Variants in C3orf70 observed in about 807,000 individuals in gnomAD.
C3orf70 encodes chromosome 3 open reading frame 70.
In C3orf70, 15 loss-of-function variants were observed where a neutral mutation model predicts 20.7. That is an observed-to-expected ratio of 0.72 (90% CI 0.48 to 1.11). The LOEUF (loss-of-function observed/expected upper bound fraction) is 1.11. C3orf70 is among the 50% of genes most tolerant of loss of function. C3orf70 has a pLI of 0.00. For missense variants in C3orf70, 332 were observed against 317.6 expected (o/e 1.05, Z -0.34); for synonymous variants, 161 against 125.7 (o/e 1.28, Z -1.88).
rs1283350116 is a variant in C3orf70 at position 185,078,041 on chromosome 3, G to A, written c.*4966C>T. 1 of 152,372 alleles carries A rather than the reference G, an allele frequency of 6.6e-6. No individual in the cohort carries two copies. The highest frequency in any genetic ancestry group is 2.4e-5 in the African/African-American group (1 of 41,310). The allele number at this position is 152,372 out of a possible 1,614,324, so 9.4% of individuals were successfully genotyped here. A position where few individuals can be genotyped will look rare whatever the true frequency, so the allele number is the denominator to read the frequency against. On this transcript the variant is annotated 3_prime_UTR_variant, in exon 2 of 2. Transcript: ENST00000335012. ...TTGGGGTTGGGTACACTCCAAAACA[G>A]CAGATTTGTTCTGGTATAAAAGAAA... is the stretch of plus-strand genomic sequence containing the variant.
chr3:185,143,332 G>T (rs1383856693), intron 1 of C3orf70, among the ~76,000 whole-genome samples: 1 of 152,126 alleles, frequency 6.6e-6, no homozygotes, highest in African/African-American at 2.4e-5. Context: ...AATTTTCCAT[G>T]AAATACCAAA....
intron 1 of C3orf70, among the ~76,000 whole-genome samples, chr3:185,091,879 T>TAA (rs1553919521): frequency 6.3e-5 from 8 of 126,552 alleles, no homozygotes; most frequent in South Asian, 4.9e-4. Flanking sequence ...TATATATATA[T>TAA]AATATATATA....
At chr3:185,083,790 TTG>T (rs568090815) in intron 1 of C3orf70, among the ~76,000 whole-genome samples, 412 of 152,366 alleles carry the variant, frequency 2.7e-3, no homozygotes, top group Middle Eastern at 6.8e-3. Flanking sequence ...CAATTTATAT[TTG>T]TGTCTTTCTG....
intron 1 of C3orf70, among the ~76,000 whole-genome samples, chr3:185,121,877 A>T (rs1036769713): frequency 6.6e-6 from 1 of 152,212 alleles, no homozygotes; most frequent in Non-Finnish European, 1.5e-5. Context: ...AGGCAGGCAG[A>T]CCACGAGGTC....
intron 1 of C3orf70, among the ~76,000 whole-genome samples, chr3:185,138,497 TAACA>T (rs1716674434): frequency 6.6e-6 from 1 of 151,530 alleles, no homozygotes. Flanking sequence ...TAAAAATATT[TAACA>T]AACTATTAGC....
chr3:185,092,622 T>G (rs1215713809), intron 1 of C3orf70, among the ~76,000 whole-genome samples: 2 of 152,064 alleles, frequency 1.3e-5, no homozygotes, highest in African/African-American at 2.4e-5. Flanking sequence ...AAATCTCACA[T>G]GAAAAGATAT....
In C3orf70 at chr3:185,082,797, G is replaced by A. The variant is rs1286013287; in HGVS notation, c.*210C>T. ...CAGATGCTACATAGAAAGTAAGTCA[G>A]GATACAAAAGAAAACTGTTTATAAT... On this transcript the variant is annotated 3_prime_UTR_variant, in exon 2 of 2. Coordinates refer to ENST00000335012, the MANE Select transcript of C3orf70 (RefSeq NM_001025266.3). 3 of 547,596 alleles carry A rather than the reference G, an allele frequency of 5.5e-6. No homozygotes were observed. The highest frequency in any genetic ancestry group is 9.7e-6 in the Non-Finnish European group (3 of 310,676). 33.9% of individuals were successfully genotyped at this position (547,596 alleles called of 1,614,324 possible).
At chr3:185,146,749 T>C (rs1716885080) in intron 1 of C3orf70, among the ~76,000 whole-genome samples, 1 of 152,244 alleles carries the variant, frequency 6.6e-6, no homozygotes, top group African/African-American at 2.4e-5. Flanking sequence ...GAAAACCAGG[T>C]GGCATTTTCC....
intron 1 of C3orf70, among the ~76,000 whole-genome samples, chr3:185,087,596 G>A (rs1057484692): frequency 4.6e-5 from 7 of 152,174 alleles, no homozygotes; most frequent in Admixed American, 2.0e-4. Context: ...CTTGCTTGAT[G>A]TATCTAAAGT....
intron 1 of C3orf70, among the ~76,000 whole-genome samples, chr3:185,129,223 C>G (rs1180220256): frequency 6.6e-6 from 1 of 152,126 alleles, no homozygotes; most frequent in Non-Finnish European, 1.5e-5. Flanking sequence ...ATCCTGGCCC[C>G]CCTCCGTCTG....
intron 1 of C3orf70, among the ~76,000 whole-genome samples, chr3:185,125,597 C>G (rs577324342): frequency 6.6e-6 from 1 of 152,020 alleles, no homozygotes; most frequent in Non-Finnish European, 1.5e-5. Flanking sequence ...AGAAACAATC[C>G]AAATATCCAC....
Position 185,083,166 on chromosome 3 carries a change from G to T in C3orf70, c.594C>A (p.His198Gln). Residue 198 changes from histidine (H) to glutamine (Q), a missense_variant, in exon 2 of 2, where the codon CAC becomes CAA. Physicochemically the swap from His to Gln is conservative, Grantham distance 24 (BLOSUM62 0). Coordinates refer to ENST00000335012, the MANE Select transcript of C3orf70 (RefSeq NM_001025266.3). ...EDSGINAIGA[H>Q]YVESCDEDTE... ...TGTCCTCGTCACACGATTCCACATAGTGAGCCCCAATCGCATTGATCCCAG... is the reference window on the plus strand; with the variant it reads ...TGTCCTCGTCACACGATTCCACATATTGAGCCCCAATCGCATTGATCCCAG... The T allele has an allele frequency of 1.2e-6, 2 of 1,614,126 alleles. No homozygotes were observed. Among genetic ancestry groups the T allele is most frequent in the Non-Finnish European group, 1.7e-6 (2 of 1,180,028 alleles).
At chr3:185,150,014 G>GT (rs200946701) in intron 1 of C3orf70, among the ~76,000 whole-genome samples, 423 of 151,178 alleles carry the variant, frequency 2.8e-3, no homozygotes, top group African/African-American at 9.3e-3. Context: ...CTAATTTCTT[G>GT]TTTTTTTTTA....
intron 1 of C3orf70, among the ~76,000 whole-genome samples, chr3:185,105,906 T>C (rs778253724): frequency 6.6e-6 from 1 of 152,164 alleles, no homozygotes; most frequent in Non-Finnish European, 1.5e-5. Flanking sequence ...CTTGGAACTT[T>C]TTCACACTGA....
rs534156954 is a variant in C3orf70 at position 185,082,884 on chromosome 3, G to A, written c.*123C>T. The A allele has an allele frequency of 1.5e-4, 132 of 870,846 alleles. 2 individuals are homozygous for A. The highest frequency in any genetic ancestry group is 2.1e-4 in the Non-Finnish European group (117 of 551,800). The allele number at this position is 870,846 out of a possible 1,614,324, so 53.9% of individuals were successfully genotyped here. ...AATCAGCATACCACTGAACTGCTAC[G>A]GTTGTTGGTTGGAGCGGGGCGGGGT... On this transcript the variant is annotated 3_prime_UTR_variant, in exon 2 of 2. Transcript: ENST00000335012.
At chr3:185,142,895 T>C (rs1437525582) in intron 1 of C3orf70, among the ~76,000 whole-genome samples, 1 of 152,118 alleles carries the variant, frequency 6.6e-6, no homozygotes, top group African/African-American at 2.4e-5. Context: ...ATATAGGACA[T>C]TCTCCAAACA....
chr3:185,088,493 C>T (rs1715502371), intron 1 of C3orf70, among the ~76,000 whole-genome samples: 1 of 152,026 alleles, frequency 6.6e-6, no homozygotes, highest in Non-Finnish European at 1.5e-5. Context: ...CACATGACGG[C>T]TCTGTATTTC....
chr3:185,094,931 A>G (rs1304518133), intron 1 of C3orf70, among the ~76,000 whole-genome samples: 1 of 152,212 alleles, frequency 6.6e-6, no homozygotes, highest in Non-Finnish European at 1.5e-5. Flanking sequence ...ACACAGACTC[A>G]GCCCGTCTGT....
At chr3:185,144,230 T>C (rs1716811831) in intron 1 of C3orf70, among the ~76,000 whole-genome samples, 1 of 152,070 alleles carries the variant, frequency 6.6e-6, no homozygotes, top group Non-Finnish European at 1.5e-5. Flanking sequence ...ACCAAGAAGC[T>C]GGTACTATTA....
Sources: gnomAD v4.1 joint callset for allele counts (sites outside exome capture counted in the v4.1 genomes callset) on GRCh38, gnomAD v4.1.1 for gene constraint, MANE v1.5 for transcripts, NCBI Gene and HGNC (gene_info 2026-07-23, HGNC 2026-07-21) for gene names.